Variants in CSMD1 observed in about 807,000 individuals in gnomAD.
The protein encoded by CSMD1 is CUB and Sushi multiple domains 1.
CSMD1 carries 213 observed loss-of-function variants against 417.5 expected under a neutral mutation model. The ratio of observed to expected loss-of-function variants is 0.51; its 90% confidence interval spans 0.46 to 0.57. CSMD1 has a LOEUF of 0.57. Among genes scored for constraint, CSMD1 ranks in the 20% least tolerant of loss-of-function variants. The pLI, the probability that CSMD1 is intolerant of heterozygous loss-of-function variation, is 0.00. For synonymous variants in CSMD1, 2,862 were observed against 1,736.8 expected, an observed-to-expected ratio of 1.65 and a Z score of -16.11; for missense variants, 6,923 against 4,529.7, an observed-to-expected ratio of 1.53 and a Z score of -15.17.
At chr8:4,778,356 G>C (rs2045398) in intron 1 of CSMD1, among the ~76,000 whole-genome samples, 77,820 of 151,900 alleles carry the variant, frequency 0.51, 20,539 homozygotes, top group East Asian at 0.66. Flanking sequence ...TTGTTTTGAT[G>C]ATTTTTCCAC....
intron 5 of CSMD1, among the ~76,000 whole-genome samples, chr8:3,924,660 A>AT (rs1043012878): frequency 4.0e-5 from 6 of 151,552 alleles, no homozygotes; most frequent in Admixed American, 6.6e-5. Context: ...CACTTCTTTA[A>AT]TTTTTTCAGT....
At chr8:4,281,278 A>C (rs574270210) in intron 3 of CSMD1, among the ~76,000 whole-genome samples, 91 of 152,196 alleles carry the variant, frequency 6.0e-4, no homozygotes, top group Non-Finnish European at 5.3e-4. Flanking sequence ...GCATTATGGG[A>C]AAATAGAAGG....
intron 1 of CSMD1, among the ~76,000 whole-genome samples, chr8:4,948,310 T>C (rs1338776210): frequency 6.6e-6 from 1 of 152,100 alleles, no homozygotes; most frequent in African/African-American, 2.4e-5. Flanking sequence ...TAGTTGTTAT[T>C]TTGTTTTCCT....
At chr8:4,276,064 G>A (rs1183613136) in intron 3 of CSMD1, among the ~76,000 whole-genome samples, 2 of 152,110 alleles carry the variant, frequency 1.3e-5, no homozygotes, top group Non-Finnish European at 2.9e-5. Context: ...ACAGTGTGAC[G>A]ATTCCTTAAG....
intron 5 of CSMD1, among the ~76,000 whole-genome samples, chr8:3,768,561 A>T: frequency 6.6e-6 from 1 of 152,242 alleles, no homozygotes; most frequent in Non-Finnish European, 1.5e-5. Flanking sequence ...GACACTGCTA[A>T]ACAGAAACAA....
intron 9 of CSMD1, among the ~76,000 whole-genome samples, chr8:3,583,926 G>C (rs558612347): frequency 6.6e-6 from 1 of 151,538 alleles, no homozygotes; most frequent in Non-Finnish European, 1.5e-5. Flanking sequence ...TGAAGTGTCA[G>C]CAGGAGTCCA....
intron 65 of CSMD1, among the ~76,000 whole-genome samples, chr8:2,953,450 G>T: frequency 1.7e-5 from 2 of 114,346 alleles, no homozygotes; most frequent in East Asian, 2.4e-4. Context: ...TAGAGCTTAT[G>T]TCCAAAAAAA....
At chr8:3,289,436 C>A (rs1317811558) in intron 25 of CSMD1, among the ~76,000 whole-genome samples, 1 of 147,332 alleles carries the variant, frequency 6.8e-6, no homozygotes, top group Non-Finnish European at 1.5e-5. Flanking sequence ...GTTTACAGTC[C>A]CACCAACAGT....
chr8:4,207,752 C>T (rs1266240164), intron 3 of CSMD1, among the ~76,000 whole-genome samples: 11 of 152,018 alleles, frequency 7.2e-5, no homozygotes, highest in Admixed American at 2.0e-4. Context: ...TGTAACATTT[C>T]GATAATCTAC....
intron 38 of CSMD1, among the ~76,000 whole-genome samples, chr8:3,160,190 C>G (rs1819793792): frequency 6.6e-6 from 1 of 152,110 alleles, no homozygotes; most frequent in Admixed American, 6.5e-5. Context: ...GTGGTGCAAT[C>G]TCGGCTCACT....
chr8:4,451,508 T>C (rs567920086), intron 2 of CSMD1, among the ~76,000 whole-genome samples: 13 of 152,160 alleles, frequency 8.5e-5, no homozygotes, highest in Admixed American at 2.0e-4. Flanking sequence ...AAACAAGTTT[T>C]CTTATCACAA....
intron 3 of CSMD1, among the ~76,000 whole-genome samples, chr8:4,095,202 G>T (rs1341971373): frequency 1.3e-5 from 2 of 152,156 alleles, no homozygotes; most frequent in Admixed American, 1.3e-4. Flanking sequence ...AACTGGTTTG[G>T]TTACAACGTA....
At chr8:4,670,766 A>C (rs1410508663) in intron 1 of CSMD1, among the ~76,000 whole-genome samples, 2 of 152,214 alleles carry the variant, frequency 1.3e-5, no homozygotes, top group Non-Finnish European at 2.9e-5. Flanking sequence ...GTACACAAAA[A>C]TTTATAATAT....
chr8:4,468,043 G>T (rs190865459), intron 2 of CSMD1, among the ~76,000 whole-genome samples: 2 of 149,452 alleles, frequency 1.3e-5, no homozygotes, highest in South Asian at 4.2e-4. Flanking sequence ...TTACTCAACA[G>T]GCCCTGCCTC....
At chr8:3,981,443 A>G (rs772427369) in intron 5 of CSMD1, among the ~76,000 whole-genome samples, 4 of 151,114 alleles carry the variant, frequency 2.6e-5, no homozygotes, top group African/African-American at 9.7e-5. Context: ...ATCACCGCTA[A>G]AGAACTTACT....
At chr8:4,636,729 G>C (rs921161631) in intron 2 of CSMD1, among the ~76,000 whole-genome samples, 2 of 152,180 alleles carry the variant, frequency 1.3e-5, no homozygotes, top group Non-Finnish European at 2.9e-5. Flanking sequence ...TATAGAAAAA[G>C]TATGCACAAT....
chr8:3,990,112 G>A (rs1814632717), intron 5 of CSMD1, among the ~76,000 whole-genome samples: 1 of 152,166 alleles, frequency 6.6e-6, no homozygotes, highest in Non-Finnish European at 1.5e-5. Flanking sequence ...GTTTTTAAAT[G>A]AGAAATTTAT....
At chr8:2,984,521 G>C (rs1259661711) in intron 54 of CSMD1, among the ~76,000 whole-genome samples, 1 of 152,112 alleles carries the variant, frequency 6.6e-6, no homozygotes, top group Non-Finnish European at 1.5e-5. Context: ...GCTAATTTTT[G>C]TATTTTTAGT....
intron 3 of CSMD1, among the ~76,000 whole-genome samples, chr8:4,043,508 C>T (rs781411209): frequency 1.3e-5 from 2 of 152,148 alleles, no homozygotes; most frequent in African/African-American, 2.4e-5. Flanking sequence ...TAAATACAAA[C>T]AGACAAATAG....
Sources: allele counts gnomAD v4.1 joint callset (sites outside exome capture counted in the v4.1 genomes callset), GRCh38; gene constraint gnomAD v4.1.1; transcripts MANE v1.5; gene names NCBI Gene and HGNC (gene_info 2026-07-23, HGNC 2026-07-21).